The following PPA1 variants were observed in gnomAD, a reference collection of about 807,000 sequenced individuals.
PPA1 encodes the protein inorganic pyrophosphatase.
Under a neutral mutation model 41.8 loss-of-function variants are expected in PPA1, and 23 were observed. The ratio of observed to expected loss-of-function variants is 0.55; its 90% CI spans 0.40 to 0.78. PPA1 has a LOEUF of 0.78. Ranked by LOEUF, PPA1 falls within the 30% of genes least tolerant of loss-of-function variation. The pLI, the probability that PPA1 is intolerant of heterozygous loss-of-function variation, is 0.00. For missense variants in PPA1, 320 were observed against 361.6 expected (o/e 0.89, Z 0.93); for synonymous variants, 101 against 116.8 (o/e 0.86, Z 0.87).
chr10:70,221,076 A>ATATATAT (rs1224550178), intron 2 of PPA1, among the ~76,000 whole-genome samples: 2 of 40,050 alleles, frequency 5.0e-5, no homozygotes, highest in Admixed American at 4.4e-4. Flanking sequence ...ATATATATAT[A>ATATATAT]TTTTTTTTTT....
At chr10:70,225,465 T>A (rs1039363281) in intron 2 of PPA1, among the ~76,000 whole-genome samples, 3 of 152,032 alleles carry the variant, frequency 2.0e-5, no homozygotes, top group Non-Finnish European at 4.4e-5. Context: ...TTCGTCCACC[T>A]AGGCTGCCCA....
chr10:70,222,454 G>A (rs568428013), intron 2 of PPA1, among the ~76,000 whole-genome samples: 1 of 151,874 alleles, frequency 6.6e-6, no homozygotes, highest in South Asian at 2.1e-4. Context: ...GAACCACCAG[G>A]ATGTGCCAGG....
rs896431396 is a variant in PPA1 at position 70,203,267 on chromosome 10, T to C, written c.839-81A>G. On this transcript the variant is annotated intron_variant, in intron 10 of 10. Transcript: ENST00000373232. ...ACCTAACATATAACAAAGACTAATA[T>C]ACTTGCTTTAATGAATCCTACTATG... 2.4e-5 allele frequency: 29 copies of C among 1,230,246 alleles called. No individual in the cohort carries two copies. In the Admixed American group the frequency reaches 3.7e-4, roughly 16 times the overall value. The allele number at this position is 1,230,246 out of a possible 1,614,324, so 76.2% of individuals were successfully genotyped here.
In PPA1 at chr10:70,210,557, A is replaced by G. The variant is rs549568068; in HGVS notation, c.512-872T>C. 1.5e-5 allele frequency: 10 copies of G among 673,892 alleles called. No homozygotes were observed. In the East Asian group the frequency reaches 9.9e-4, roughly 67 times the overall value. The allele number at this position is 673,892 out of a possible 1,614,324, so 41.7% of individuals were successfully genotyped here. ...GGCTGACAGAAAAGTGCACTGCTTT[A>G]AAAATTTTAAGTTTCTGTATAGCCA... is the stretch of plus-strand genomic sequence containing the variant. On this transcript the variant is annotated intron_variant, in intron 6 of 10. Coordinates refer to ENST00000373232, the MANE Select transcript of PPA1 (RefSeq NM_021129.4).
intron 6 of PPA1, among the ~76,000 whole-genome samples, chr10:70,211,146 A>T (rs1840014987): frequency 6.6e-6 from 1 of 152,226 alleles, no homozygotes; most frequent in Non-Finnish European, 1.5e-5. Flanking sequence ...AACTTTACAG[A>T]ATGCACTGGG....
At chr10:70,210,239 G>C (rs952841474) in intron 6 of PPA1, 46 of 494,362 alleles carry the variant, frequency 9.3e-5, no homozygotes, top group Non-Finnish European at 1.6e-4. Context: ...CACACGCCCA[G>C]CTAATTTTTA....
chr10:70,214,735 CAA>C (rs1223244557), intron 4 of PPA1, 149 bp from the exon 5 acceptor site: 4 of 594,464 alleles, frequency 6.7e-6, no homozygotes, highest in African/African-American at 3.7e-5. Context: ...TAACTACACA[CAA>C]GAGTTTCAAT....
intron 4 of PPA1, among the ~76,000 whole-genome samples, chr10:70,216,289 C>T (rs917693393): frequency 2.0e-5 from 3 of 151,982 alleles, no homozygotes; most frequent in African/African-American, 7.3e-5. Flanking sequence ...AGTTTGAGAC[C>T]AGCCTGGCCA....
At chr10:70,222,353 A>G (rs79974558) in intron 2 of PPA1, among the ~76,000 whole-genome samples, 4 of 138,220 alleles carry the variant, frequency 2.9e-5, no homozygotes, top group South Asian at 2.4e-4. Flanking sequence ...AAAAAAAAAA[A>G]AAAAAAGAAA....
chr10:70,219,310 G>A (rs1021567986), intron 2 of PPA1, among the ~76,000 whole-genome samples: 4 of 152,102 alleles, frequency 2.6e-5, no homozygotes, highest in Admixed American at 1.3e-4. Context: ...TTAAATAAAC[G>A]TAACAGAACC....
intron 6 of PPA1, chr10:70,210,499 T>C (rs1317492656): frequency 8.7e-6 from 11 of 1,259,286 alleles, no homozygotes; most frequent in Non-Finnish European, 1.2e-5. Context: ...TGCTGGATAG[T>C]ACAGGCACTG....
At position 70,207,414 on chromosome 10, in the gene PPA1, C is replaced by CT. The variant is rs527821033; in HGVS notation, c.726-1082dup. Among the ~76,000 whole-genome samples the CT allele has an allele frequency of 2.6e-4, 40 of 152,194 alleles. No homozygotes were observed. In the East Asian group the frequency reaches 7.7e-3, roughly 29 times the overall value. Reference sequence around the variant, plus strand: ...AGGCATGGTGGCTCGCATCTGTAGTCTAAGCACTTTTGGAGGCTGAGGTGT... The same window carrying CT: ...AGGCATGGTGGCTCGCATCTGTAGTCTTAAGCACTTTTGGAGGCTGAGGTGT... On this transcript the variant is annotated intron_variant, in intron 8 of 10. Coordinates refer to ENST00000373232, the MANE Select transcript of PPA1 (RefSeq NM_021129.4).
intron 2 of PPA1, among the ~76,000 whole-genome samples, chr10:70,225,204 C>A (rs1444957633): frequency 6.6e-6 from 1 of 151,674 alleles, no homozygotes; most frequent in South Asian, 2.1e-4. Context: ...ACCCTGTGGT[C>A]CCACCACTCT....
At chr10:70,219,282 CTAGG>C (rs1342230284) in intron 2 of PPA1, among the ~76,000 whole-genome samples, 2 of 152,144 alleles carry the variant, frequency 1.3e-5, no homozygotes, top group East Asian at 3.9e-4. Flanking sequence ...AAGAATGTTC[CTAGG>C]AAGGAAACAG....
chr10:70,227,397 C>T (rs1393744226), intron 2 of PPA1, among the ~76,000 whole-genome samples: 1 of 152,176 alleles, frequency 6.6e-6, no homozygotes, highest in African/African-American at 2.4e-5. Flanking sequence ...CGCCTGCAAC[C>T]CCAGCACTTC....
At chr10:70,223,030 G>C (rs1840192647) in intron 2 of PPA1, among the ~76,000 whole-genome samples, 1 of 152,000 alleles carries the variant, frequency 6.6e-6, no homozygotes, top group Admixed American at 6.6e-5. Flanking sequence ...TTTTATGCAT[G>C]GAATACTAGC....
Position 70,213,190 on chromosome 10 carries a change from T to C in PPA1, c.511+273A>G, listed in dbSNP as rs530303890. On this transcript the variant is annotated intron_variant, in intron 6 of 10. Transcript: ENST00000373232. ...AATATCTCAATTAAATGTTTTAAAA[T>C]AAATAAACATACCAACTGAGTGCTG... Among the ~76,000 whole-genome samples, 10 of 152,196 alleles carry C rather than the reference T, an allele frequency of 6.6e-5. No homozygotes were observed. The East Asian group carries it at 1.2e-3, about 18-fold the overall frequency.
At chr10:70,228,129 T>C (rs1840252329) in intron 2 of PPA1, among the ~76,000 whole-genome samples, 1 of 152,176 alleles carries the variant, frequency 6.6e-6, no homozygotes, top group Admixed American at 6.5e-5. Context: ...TCATAAGAAC[T>C]TGTGCTTTTG....
At position 70,209,553 on chromosome 10, in the gene PPA1, A is replaced by G; in HGVS notation, c.639+5T>C. The G allele has an allele frequency of 6.3e-7, 1 of 1,595,022 alleles. No homozygotes were observed. The highest frequency in any genetic ancestry group is 1.2e-5 in the South Asian group (1 of 86,872). ...CTAAAGCTACAGTTCTGAATGACATATTACCTTATCTTTAAATTCTGCATT... is the reference window on the plus strand; with the variant it reads ...CTAAAGCTACAGTTCTGAATGACATGTTACCTTATCTTTAAATTCTGCATT... On this transcript the variant is annotated splice_donor_5th_base_variant and intron_variant, in intron 7 of 10. Coordinates refer to ENST00000373232, the MANE Select transcript of PPA1 (RefSeq NM_021129.4).
Sources: allele counts gnomAD v4.1 joint callset (sites outside exome capture counted in the v4.1 genomes callset), GRCh38; gene constraint gnomAD v4.1.1; transcripts MANE v1.5; gene names NCBI Gene and HGNC (gene_info 2026-07-23, HGNC 2026-07-21).